SLC1A5: variants seen among roughly 807,000 people sequenced by gnomAD.
SLC1A5 encodes solute carrier family 1 member 5, also known as neutral amino acid transporter B(0).
SLC1A5 carries 25 observed loss-of-function variants against 34.9 expected under a neutral mutation model. That is an observed-to-expected ratio of 0.72 (90% CI 0.52 to 1.00). The LOEUF is 1.00. SLC1A5 is among the 50% of genes least tolerant of loss of function. The pLI is 0.00. For synonymous variants in SLC1A5, 351 were observed against 341.2 expected (o/e 1.03, Z -0.32); for missense variants, 637 against 740.0 (o/e 0.86, Z 1.61).
intron 7 of SLC1A5, 170 bp downstream of exon 7, chr19:46,776,805 A>G: frequency 1.4e-6 from 1 of 691,770 alleles, no homozygotes; most frequent in South Asian, 1.9e-5. Context: ...TTAGAGCCAC[A>G]AAGATGCCAT....
At chr19:46,777,764 C>T (rs964976294) in intron 5 of SLC1A5, among the ~76,000 whole-genome samples, 1 of 151,246 alleles carries the variant, frequency 6.6e-6, no homozygotes, top group African/African-American at 2.4e-5. Flanking sequence ...CACCCACGTC[C>T]CCAGTCTGTC....
At chr19:46,780,228 G>A (rs2055135270) in intron 4 of SLC1A5, among the ~76,000 whole-genome samples, 1 of 152,184 alleles carries the variant, frequency 6.6e-6, no homozygotes. Flanking sequence ...CAGCCACTTA[G>A]GAGGTTGAGG....
intron 1 of SLC1A5, chr19:46,784,983 G>A (rs2055176883): frequency 2.7e-6 from 2 of 746,458 alleles, no homozygotes; most frequent in African/African-American, 1.8e-5. Flanking sequence ...TTGGGAGGCG[G>A]TGGCGGGGAG....
chr19:46,782,351 A>ACCCCCCCCCCCCCCCCCCCCCCCCC, intron 4 of SLC1A5, 32 bp downstream of exon 4: 1 of 256,186 alleles, frequency 3.9e-6, no homozygotes. Context: ...CTCCAACCCC[A>ACCCCCCCCCCCCCCCCCCCCCCCCC]CCCACCCCCA....
At chr19:46,781,908 T>C (rs1419954134) in intron 4 of SLC1A5, among the ~76,000 whole-genome samples, 3 of 152,170 alleles carry the variant, frequency 2.0e-5, no homozygotes, top group Admixed American at 2.0e-4. Flanking sequence ...CACTTTCTTT[T>C]CTTTTCTTCT....
At chr19:46,777,939 C>T (rs1290600973) in intron 5 of SLC1A5, among the ~76,000 whole-genome samples, 2 of 152,120 alleles carry the variant, frequency 1.3e-5, no homozygotes, top group Non-Finnish European at 2.9e-5. Flanking sequence ...CCTGGAACCC[C>T]TGGGAGAGTA....
chr19:46,782,342 T>TACCAACCCCCCCCCCCCCCCCCC, intron 4 of SLC1A5, 41 bp downstream of exon 4: 2 of 523,368 alleles, frequency 3.8e-6, no homozygotes, highest in South Asian at 1.8e-5. Context: ...AGACCGACCC[T>TACCAACCCCCCCCCCCCCCCCCC]CCAACCCCAC....
chr19:46,782,346 A>AACCCCCCCCCCCCCCCCCCCCCCTC, intron 4 of SLC1A5, 37 bp downstream of exon 4: 2 of 567,986 alleles, frequency 3.5e-6, no homozygotes, highest in Non-Finnish European at 6.5e-6. Context: ...CGACCCTCCA[A>AACCCCCCCCCCCCCCCCCCCCCCTC]CCCCACCCAC....
chr19:46,782,353 C>CCCCCCCCCCCCCCCCCA, intron 4 of SLC1A5, 30 bp downstream of exon 4: 1 of 785,198 alleles, frequency 1.3e-6, no homozygotes, highest in Non-Finnish European at 2.1e-6. Context: ...CCAACCCCAC[C>CCCCCCCCCCCCCCCCCA]CACCCCCAGC....
intron 1 of SLC1A5, among the ~76,000 whole-genome samples, chr19:46,786,679 G>C (rs1200931621): frequency 2.6e-5 from 4 of 152,202 alleles, no homozygotes; most frequent in Middle Eastern, 3.2e-3. Context: ...TCCTCAAAGT[G>C]GGGGAGGCCA....
Position 46,777,231 on chromosome 19 carries a change from G to A in SLC1A5, c.1233C>T (p.Phe411=). ...CTCACAGGATGGTGATGATCTTTAC[G>A]AAGTCCAAGGACTGCTGGCTGAGCT... ...IAQLSQQSLD[F]VKIITILVTA... The change falls in exon 6 of 8, where the codon TTC becomes TTT. Residue 411 remains phenylalanine, a synonymous_variant. Coordinates refer to ENST00000542575, the MANE Select transcript of SLC1A5 (RefSeq NM_005628.3). 1.2e-6 allele frequency: 2 copies of A among 1,606,118 alleles called. No homozygotes were observed. Among genetic ancestry groups the A allele is most frequent in the South Asian group, 1.1e-5 (1 of 90,378 alleles).
chr19:46,785,064 G>A (rs1275574273), intron 1 of SLC1A5, among the ~76,000 whole-genome samples: 1 of 152,210 alleles, frequency 6.6e-6, no homozygotes, highest in Non-Finnish European at 1.5e-5. Flanking sequence ...ACTCTTGTGT[G>A]ACAGTGTCTG....
intron 4 of SLC1A5, among the ~76,000 whole-genome samples, chr19:46,780,348 T>A (rs948804178): frequency 1.3e-5 from 2 of 151,650 alleles, no homozygotes; most frequent in African/African-American, 4.8e-5. Flanking sequence ...AAAACGTTTT[T>A]TTAAATTACT....
In SLC1A5 at chr19:46,787,793, G is replaced by A. The variant is rs778524513; in HGVS notation, c.173C>T (p.Thr58Ile). The A allele has an allele frequency of 1.3e-6, 2 of 1,551,302 alleles. No homozygotes were observed. The highest frequency in any genetic ancestry group is 1.2e-5 in the South Asian group (1 of 84,690). Residue 58 changes from threonine (T) to isoleucine (I), a missense_variant, in exon 1 of 8, where the codon ACA (threonine) becomes ATA (isoleucine). Coordinates refer to ENST00000542575, the MANE Select transcript of SLC1A5 (RefSeq NM_005628.3). The surrounding 1 kb of genome is among the most constrained non-coding windows in gnomAD (Gnocchi z 5.2). ...CLRANLLVLL[T>I]VVAVVAGVAL... ...CACGCCGGCCACCACGGCCACCACTGTCAGCAGCACAAGCAGGTTGGCTCG... is the reference window on the plus strand; with the variant it reads ...CACGCCGGCCACCACGGCCACCACTATCAGCAGCACAAGCAGGTTGGCTCG...
chr19:46,785,916 C>T (rs773863143), intron 1 of SLC1A5, among the ~76,000 whole-genome samples: 1 of 152,084 alleles, frequency 6.6e-6, no homozygotes, highest in African/African-American at 2.4e-5. Flanking sequence ...CCCGTCTCTA[C>T]TAAAAACACA....
At chr19:46,778,254 C>T (rs1294300499) in intron 5 of SLC1A5, among the ~76,000 whole-genome samples, 1 of 152,114 alleles carries the variant, frequency 6.6e-6, no homozygotes, top group East Asian at 1.9e-4. Flanking sequence ...CATGGCGAAA[C>T]CCCGTCTCTA....
In SLC1A5 at chr19:46,784,834, C is replaced by T. The variant is rs369045610; in HGVS notation, c.567-275G>A. 8.4e-5 allele frequency: 119 copies of T among 1,413,042 alleles called. 1 individual carries two copies. The African/African-American group carries it at 9.2e-4, about 11-fold the overall frequency. 87.5% of individuals were successfully genotyped at this position (1,413,042 alleles called of 1,614,324 possible). On this transcript the variant is annotated intron_variant, in intron 1 of 7. Transcript: ENST00000542575. Reference sequence around the variant, plus strand: ...CGGGGTGAGGAATGCTGGCCTCCCACGGCAGGCCAGGGCAGGTCGCCCCGG... The same window carrying T: ...CGGGGTGAGGAATGCTGGCCTCCCATGGCAGGCCAGGGCAGGTCGCCCCGG...
chr19:46,782,345 A>AACCCCCCCCCCCCCCCCCCCCCCAC, intron 4 of SLC1A5, 38 bp downstream of exon 4: 2 of 292,428 alleles, frequency 6.8e-6, no homozygotes, highest in Non-Finnish European at 1.3e-5. Context: ...CCGACCCTCC[A>AACCCCCCCCCCCCCCCCCCCCCCAC]ACCCCACCCA....
intron 4 of SLC1A5, among the ~76,000 whole-genome samples, chr19:46,779,839 C>G (rs1478032072): frequency 6.6e-6 from 1 of 151,488 alleles, no homozygotes; most frequent in African/African-American, 2.4e-5. Flanking sequence ...TCAAGACCAG[C>G]CTGGGCAACA....
Sources: gnomAD v4.1 joint callset for allele counts (sites outside exome capture counted in the v4.1 genomes callset) on GRCh38, gnomAD v4.1.1 for gene constraint, Gnocchi (gnomAD v3.1) non-coding constraint, MANE v1.5 for transcripts, NCBI Gene and HGNC (gene_info 2026-07-23, HGNC 2026-07-21) for gene names.